The following ALG6 variants were observed in gnomAD, a reference collection of about 807,000 sequenced individuals.
The protein encoded by ALG6 is ALG6 alpha-1,3-glucosyltransferase, also known as dolichyl pyrophosphate Man9GlcNAc2 alpha-1,3-glucosyltransferase.
Under a neutral mutation model 66.6 loss-of-function variants are expected in ALG6, and 46 were observed. The ratio of observed to expected loss-of-function variants is 0.69; its 90% CI spans 0.55 to 0.88. ALG6 has a LOEUF of 0.88. Among genes scored for constraint, ALG6 ranks in the 40% least tolerant of loss-of-function variants. The pLI, the probability that ALG6 is intolerant of heterozygous loss-of-function variation, is 0.00. For synonymous variants in ALG6, 185 were observed against 203.7 expected (o/e 0.91, Z 0.78); for missense variants, 505 against 586.8 (o/e 0.86, Z 1.44).
intron 2 of ALG6, among the ~76,000 whole-genome samples, chr1:63,393,885 C>G (rs1648742839): frequency 6.6e-6 from 1 of 152,188 alleles, no homozygotes; most frequent in Admixed American, 6.5e-5. Flanking sequence ...GGTGCTATTA[C>G]ATTCTGAGAA....
At chr1:63,374,521 C>A (rs1037667934) in intron 2 of ALG6, among the ~76,000 whole-genome samples, 1 of 151,680 alleles carries the variant, frequency 6.6e-6, no homozygotes, top group Non-Finnish European at 1.5e-5. Flanking sequence ...CCAGCTATTC[C>A]GGAGGATGAG....
chr1:63,408,533 A>G (rs1644501016), intron 7 of ALG6, among the ~76,000 whole-genome samples: 1 of 152,176 alleles, frequency 6.6e-6, no homozygotes. Flanking sequence ...TCTTCTTATA[A>G]GTGGAATTGT....
At chr1:63,406,282 G>T in intron 5 of ALG6, 35 bp from the exon 6 acceptor site, 1 of 1,569,608 alleles carries the variant, frequency 6.4e-7, no homozygotes, top group South Asian at 1.1e-5. Context: ...AATCCTGATG[G>T]ACTCATGTTT....
At chr1:63,432,226 GTCTAAT>G (rs1644649319) in intron 14 of ALG6, among the ~76,000 whole-genome samples, 1 of 148,996 alleles carries the variant, frequency 6.7e-6, no homozygotes, top group African/African-American at 2.5e-5. Flanking sequence ...GCTGGATTCT[GTCTAAT>G]TCTTTTTCTG....
At position 63,384,320 on chromosome 1, in the gene ALG6, C is replaced by A. The variant is rs187887733; in HGVS notation, c.83-12193C>A. ...GAAAAATGTGTATTCAGATCTTTTGCCCATTTTTTAATTGGGTTATTTAAT... is the reference window on the plus strand; with the variant it reads ...GAAAAATGTGTATTCAGATCTTTTGACCATTTTTTAATTGGGTTATTTAAT... On this transcript the variant is annotated intron_variant, in intron 2 of 14. Transcript: ENST00000263440. Among the ~76,000 whole-genome samples, 71 of 152,188 alleles carry A rather than the reference C, an allele frequency of 4.7e-4. 1 individual carries two copies. The highest frequency in any genetic ancestry group is 1.6e-3 in the African/African-American group (67 of 41,540).
At chr1:63,371,730 G>A (rs796117816) in intron 2 of ALG6, among the ~76,000 whole-genome samples, 11 of 152,102 alleles carry the variant, frequency 7.2e-5, no homozygotes, top group African/African-American at 2.4e-4. Context: ...TCAACCTTCC[G>A]AGTAGCTGGG....
intron 8 of ALG6, among the ~76,000 whole-genome samples, chr1:63,411,534 T>A (rs1411914451): frequency 6.6e-6 from 1 of 152,210 alleles, no homozygotes; most frequent in Non-Finnish European, 1.5e-5. Context: ...ATATTTCAAT[T>A]CATGTATATT....
chr1:63,416,756 T>G (rs1330100032), intron 11 of ALG6, among the ~76,000 whole-genome samples: 1 of 152,208 alleles, frequency 6.6e-6, no homozygotes, highest in Non-Finnish European at 1.5e-5. Context: ...TCTGAGTAGC[T>G]TTACAAAGTC....
rs1557587826 is a variant in ALG6 at position 63,400,321 on chromosome 1, GTATATATATATATACGTA to G, written c.168-1923_168-1906del. On this transcript the variant is annotated intron_variant, in intron 3 of 14. Coordinates refer to ENST00000263440, the MANE Select transcript of ALG6 (RefSeq NM_013339.4). ...CGTATATATATGTATATATATATAC[GTATATATATATATACGTA>G]TATATATATGTATATATATATGTAT... Among the ~76,000 whole-genome samples the G allele has an allele frequency of 1.8e-3, 38 of 21,706 alleles. 1 individual carries two copies. The East Asian group carries it at 0.024, about 14-fold the overall frequency. 14.2% of individuals were successfully genotyped at this position (21,706 alleles called of 152,430 possible). A position where few individuals can be genotyped will look rare whatever the true frequency, so the allele number is the denominator to read the frequency against.
At chr1:63,426,931 A>G (rs1426926984) in intron 12 of ALG6, among the ~76,000 whole-genome samples, 1 of 152,202 alleles carries the variant, frequency 6.6e-6, no homozygotes, top group East Asian at 1.9e-4. Context: ...AGAAAACAGT[A>G]TTTATTGAGC....
chr1:63,372,426 C>T (rs1479699572), intron 2 of ALG6, among the ~76,000 whole-genome samples: 1 of 151,730 alleles, frequency 6.6e-6, no homozygotes, highest in Admixed American at 6.6e-5. Context: ...TACGAAGATA[C>T]ATATATGGAA....
At chr1:63,376,800 A>T (rs1005632292) in intron 2 of ALG6, among the ~76,000 whole-genome samples, 1 of 152,176 alleles carries the variant, frequency 6.6e-6, no homozygotes, top group African/African-American at 2.4e-5. Context: ...AATATTCTGC[A>T]TATATTCAAT....
intron 12 of ALG6, among the ~76,000 whole-genome samples, chr1:63,426,150 C>G (rs966487143): frequency 6.6e-6 from 1 of 152,056 alleles, no homozygotes; most frequent in African/African-American, 2.4e-5. Flanking sequence ...ATGGAGGAAG[C>G]GGCCCTGTGG....
intron 2 of ALG6, among the ~76,000 whole-genome samples, chr1:63,373,837 G>A (rs1476278099): frequency 1.3e-5 from 2 of 151,448 alleles, no homozygotes; most frequent in Non-Finnish European, 2.9e-5. Context: ...GCCTAGGCTG[G>A]TCTTGAACTC....
At chr1:63,420,758 G>T (rs1168383868) in intron 12 of ALG6, among the ~76,000 whole-genome samples, 4 of 151,894 alleles carry the variant, frequency 2.6e-5, no homozygotes, top group Non-Finnish European at 5.9e-5. Context: ...CTACTTGGGA[G>T]GCTGAGGCAG....
intron 12 of ALG6, among the ~76,000 whole-genome samples, chr1:63,423,524 G>A (rs1025710388): frequency 6.6e-5 from 10 of 151,968 alleles, no homozygotes; most frequent in African/African-American, 2.4e-4. Flanking sequence ...TCCCTTCCCC[G>A]AGTCCCTCTA....
intron 2 of ALG6, among the ~76,000 whole-genome samples, chr1:63,387,419 T>A (rs1185900781): frequency 6.6e-6 from 1 of 152,126 alleles, no homozygotes; most frequent in Non-Finnish European, 1.5e-5. Context: ...TCTAATAATA[T>A]TTGTTTTATA....
At chr1:63,380,009 C>T (rs1648252938) in intron 2 of ALG6, among the ~76,000 whole-genome samples, 1 of 151,732 alleles carries the variant, frequency 6.6e-6, no homozygotes, top group Non-Finnish European at 1.5e-5. Flanking sequence ...GCTTTTGCCC[C>T]TCAACAAAAG....
chr1:63,431,921 A>G (rs1442498934), intron 14 of ALG6, among the ~76,000 whole-genome samples: 2 of 152,184 alleles, frequency 1.3e-5, no homozygotes, highest in East Asian at 3.8e-4. Context: ...ACAGTTTTCA[A>G]TATACAAGAT....
Sources: allele counts gnomAD v4.1 joint callset (sites outside exome capture counted in the v4.1 genomes callset), GRCh38; gene constraint gnomAD v4.1.1; transcripts MANE v1.5; gene names NCBI Gene and HGNC (gene_info 2026-07-23, HGNC 2026-07-21).